Variants in EYA4 observed in about 807,000 individuals in gnomAD.
EYA4 encodes EYA transcriptional coactivator and phosphatase 4.
A neutral mutation model predicts 87.9 loss-of-function variants in EYA4; 31 were observed. The ratio of observed to expected loss-of-function variants is 0.35; its 90% CI spans 0.27 to 0.48. EYA4 has a LOEUF of 0.48. EYA4 is among the 20% of genes least tolerant of loss of function. EYA4 has a pLI of 0.99. For missense variants in EYA4, 678 were observed against 761.4 expected (o/e 0.89, Z 1.29); for synonymous variants, 263 against 270.6 (o/e 0.97, Z 0.28).
rs374248458 is a variant in EYA4 at position 133,527,940 on chromosome 6, GTTT to G, written c.1840-780_1840-778del. Among the ~76,000 whole-genome samples, 372 of 152,098 alleles carry G rather than the reference GTTT, an allele frequency of 2.4e-3. 3 individuals carry two copies. The highest frequency in any genetic ancestry group is 8.6e-3 in the African/African-American group (359 of 41,508). ...ATCGCCAGTGGGGACTCTTTAGACAGTTTTTTTCTAATTACTCCCTTTCATGAA... is the reference window on the plus strand; with the variant it reads ...ATCGCCAGTGGGGACTCTTTAGACAGTTTTCTAATTACTCCCTTTCATGAA... On this transcript the variant is annotated intron_variant, in intron 19 of 19. Transcript: ENST00000355286.
chr6:133,484,579 G>A (rs1186095567), intron 13 of EYA4, among the ~76,000 whole-genome samples: 2 of 152,164 alleles, frequency 1.3e-5, no homozygotes, highest in East Asian at 3.8e-4. Flanking sequence ...CAGAAATTTG[G>A]AGTACACACT....
At chr6:133,359,226 T>G (rs2128443097) in intron 2 of EYA4, among the ~76,000 whole-genome samples, 1 of 152,314 alleles carries the variant, frequency 6.6e-6, no homozygotes, top group East Asian at 1.9e-4. Flanking sequence ...GGGGCTGACT[T>G]GCCCAAGGTC....
chr6:133,278,410 C>T (rs1005393374), intron 2 of EYA4, among the ~76,000 whole-genome samples: 5 of 152,158 alleles, frequency 3.3e-5, no homozygotes, highest in African/African-American at 7.2e-5. Context: ...TGTTTACTTG[C>T]CTATCTCACC....
chr6:133,408,398 TTTATG>T (rs1465907645), intron 3 of EYA4, among the ~76,000 whole-genome samples: 1 of 152,234 alleles, frequency 6.6e-6, no homozygotes, highest in Non-Finnish European at 1.5e-5. Context: ...TCTTGAATGA[TTTATG>T]TAGAGGTTAA....
At chr6:133,280,840 G>C (rs1777562559) in intron 2 of EYA4, among the ~76,000 whole-genome samples, 1 of 152,084 alleles carries the variant, frequency 6.6e-6, no homozygotes, top group Non-Finnish European at 1.5e-5. Context: ...TTGAGAAAGA[G>C]ATCCCATGCC....
chr6:133,348,267 T>G (rs1248487459), intron 2 of EYA4, among the ~76,000 whole-genome samples: 1 of 105,298 alleles, frequency 9.5e-6, no homozygotes, highest in Non-Finnish European at 2.1e-5. Context: ...AGTAGTTTTT[T>G]TTTTTTTTTT....
intron 2 of EYA4, among the ~76,000 whole-genome samples, chr6:133,302,141 C>T (rs931906270): frequency 2.6e-5 from 4 of 152,128 alleles, no homozygotes; most frequent in Admixed American, 6.5e-5. Flanking sequence ...TTCTGGGTTA[C>T]GCAGTGTGAA....
intron 2 of EYA4, among the ~76,000 whole-genome samples, chr6:133,347,994 A>G (rs948471789): frequency 6.6e-6 from 1 of 152,216 alleles, no homozygotes; most frequent in Non-Finnish European, 1.5e-5. Flanking sequence ...GGATAGGTCA[A>G]AGAGTAGGTC....
intron 2 of EYA4, among the ~76,000 whole-genome samples, chr6:133,375,378 A>G (rs1407537907): frequency 6.6e-6 from 1 of 152,010 alleles, no homozygotes; most frequent in Non-Finnish European, 1.5e-5. Flanking sequence ...AAACTTTGGA[A>G]TAATTTTTAG....
chr6:133,303,715 G>C (rs1779589305), intron 2 of EYA4, among the ~76,000 whole-genome samples: 1 of 152,120 alleles, frequency 6.6e-6, no homozygotes, highest in Non-Finnish European at 1.5e-5. Flanking sequence ...AATAATATTT[G>C]TTCTCTGTAA....
Position 133,245,811 on chromosome 6 carries a change from C to G in EYA4, c.-66+4062C>G, listed in dbSNP as rs73555599. On this transcript the variant is annotated intron_variant, in intron 1 of 19. Transcript: ENST00000355286. ...ACACATTCAAAAGAAGTACAAGCAA[C>G]TTTGATTGCTTTTAAGAGGTTTGAA... 2.2e-3 allele frequency among the ~76,000 whole-genome samples: 333 copies of G among 152,270 alleles called. 2 individuals carry two copies. Among genetic ancestry groups the G allele is most frequent in the African/African-American group, 7.5e-3 (313 of 41,560 alleles).
intron 3 of EYA4, among the ~76,000 whole-genome samples, chr6:133,404,273 G>C (rs1788514222): frequency 6.6e-6 from 1 of 152,192 alleles, no homozygotes; most frequent in Non-Finnish European, 1.5e-5. Flanking sequence ...TAATGTGGAT[G>C]TTACTCAGTG....
Position 133,444,949 on chromosome 6 carries a change from G to A in EYA4, c.84-1681G>A, listed in dbSNP as rs114782295. Among the ~76,000 whole-genome samples, 703 of 152,208 alleles carry A rather than the reference G, an allele frequency of 4.6e-3. 11 individuals carry two copies. The highest frequency in any genetic ancestry group is 0.016 in the African/African-American group (652 of 41,524). On this transcript the variant is annotated intron_variant, in intron 3 of 19. Transcript: ENST00000355286. ...TAGTCCATTGATATTTAGTGTAATC[G>A]TCAATGTGTTTGAGTTCGAGTGTGC...
chr6:133,412,388 C>T (rs1039039253), intron 3 of EYA4, among the ~76,000 whole-genome samples: 1 of 152,136 alleles, frequency 6.6e-6, no homozygotes, highest in Admixed American at 6.5e-5. Flanking sequence ...GAGAAGACAT[C>T]GAATGTGATC....
intron 18 of EYA4, chr6:133,524,863 G>A (rs980227494): frequency 1.5e-5 from 11 of 743,672 alleles, no homozygotes; most frequent in African/African-American, 3.4e-5. Context: ...CCGAAGTAAC[G>A]CCTTACCTTA....
At chr6:133,288,496 T>C (rs1399702342) in intron 2 of EYA4, among the ~76,000 whole-genome samples, 2 of 152,130 alleles carry the variant, frequency 1.3e-5, no homozygotes, top group Non-Finnish European at 2.9e-5. Context: ...GGAGCAGGTA[T>C]CAATGACTTA....
At chr6:133,386,508 T>C (rs1786763771) in intron 3 of EYA4, among the ~76,000 whole-genome samples, 1 of 152,218 alleles carries the variant, frequency 6.6e-6, no homozygotes, top group African/African-American at 2.4e-5. Flanking sequence ...ACACAAATGA[T>C]TTCTCTGTTG....
chr6:133,448,781 A>T (rs906359821), intron 5 of EYA4, among the ~76,000 whole-genome samples: 1 of 152,220 alleles, frequency 6.6e-6, no homozygotes, highest in African/African-American at 2.4e-5. Context: ...ACCTACACAC[A>T]TATAAACAAA....
intron 2 of EYA4, among the ~76,000 whole-genome samples, chr6:133,328,946 G>T (rs1346068889): frequency 6.6e-6 from 1 of 151,956 alleles, no homozygotes; most frequent in African/African-American, 2.4e-5. Context: ...ACAAATAGAG[G>T]GCCACCTGAG....
Sources: allele counts gnomAD v4.1 joint callset (sites outside exome capture counted in the v4.1 genomes callset), GRCh38; gene constraint gnomAD v4.1.1; transcripts MANE v1.5; gene names NCBI Gene and HGNC (gene_info 2026-07-23, HGNC 2026-07-21).